Variants in PVT1 observed in about 807,000 individuals in gnomAD.
PVT1 encodes the protein CXCR4/PVT1 fusion.
chr8:128,088,189 C>T (rs993497102), intron 5 of PVT1, among the ~76,000 whole-genome samples: 2 of 152,172 alleles, frequency 1.3e-5, no homozygotes, highest in Admixed American at 6.5e-5. Context: ...TCACCCCATA[C>T]CTGGGCAGCC....
intron 3 of PVT1, among the ~76,000 whole-genome samples, chr8:127,911,580 A>G (rs934760872): frequency 6.6e-6 from 1 of 152,250 alleles, no homozygotes; most frequent in African/African-American, 2.4e-5. Flanking sequence ...CAGAAACTGT[A>G]TAAGCCTCTG....
intron 3 of PVT1, chr8:127,947,651 C>G: frequency 2.2e-6 from 1 of 453,160 alleles, no homozygotes; most frequent in South Asian, 1.6e-5. Flanking sequence ...GCTTTGACAC[C>G]TGGGGCAGGT....
chr8:127,898,967 C>A lies in PVT1; in HGVS notation n.782+7969C>A, dbSNP rs13260853. Among the ~76,000 whole-genome samples, 3 of 151,918 alleles carry A rather than the reference C, an allele frequency of 2.0e-5. No individual in the cohort carries two copies. The highest frequency in any genetic ancestry group is 4.4e-5 in the Non-Finnish European group (3 of 67,956). On this transcript the variant is annotated intron_variant and non_coding_transcript_variant, in intron 3 of 10. Coordinates refer to ENST00000651587, the Ensembl canonical transcript of PVT1. The surrounding 1 kb of genome is among the most constrained non-coding windows in gnomAD (Gnocchi z 4.4). Reference sequence around the variant, plus strand: ...CCCCGTTGACTTATCTGGCTCCAACCGAAGAACAGCTGTTGGTGGTCAGGT... The same window carrying A: ...CCCCGTTGACTTATCTGGCTCCAACAGAAGAACAGCTGTTGGTGGTCAGGT...
At chr8:127,952,532 A>G (rs1274027878) in intron 3 of PVT1, among the ~76,000 whole-genome samples, 3 of 152,200 alleles carry the variant, frequency 2.0e-5, no homozygotes, top group Non-Finnish European at 4.4e-5. Flanking sequence ...CTTCCTTTAC[A>G]TCTTGAAGAT....
intron 2 of PVT1, among the ~76,000 whole-genome samples, chr8:127,877,536 G>A (rs1349352677): frequency 6.6e-6 from 1 of 152,092 alleles, no homozygotes; most frequent in Non-Finnish European, 1.5e-5. Context: ...CAGAAAAGCA[G>A]CTCTGATCTC....
chr8:128,037,546 A>G (rs1813480185), intron 4 of PVT1, among the ~76,000 whole-genome samples: 1 of 152,208 alleles, frequency 6.6e-6, no homozygotes. Context: ...GCCTGTAAGT[A>G]CAGTCCATTT....
chr8:127,839,728 G>T (rs926632222), intron 2 of PVT1, among the ~76,000 whole-genome samples: 5 of 152,130 alleles, frequency 3.3e-5, no homozygotes, highest in African/African-American at 1.2e-4. Context: ...AGGAAGGGAG[G>T]TTTAAGGAAG....
In PVT1 at chr8:127,898,582, A is replaced by G. The variant is rs1236694562; in HGVS notation, n.782+7584A>G. On this transcript the variant is annotated intron_variant and non_coding_transcript_variant, in intron 3 of 10. Coordinates refer to ENST00000651587, the Ensembl canonical transcript of PVT1. This position sits in a 1 kb window ranked among gnomAD's most constrained non-coding sequence, Gnocchi z 4.4. ...GTCACCATAATTGATGGGCCACACT[A>G]GACTGGAGCCAACCATGGCCCATTG... Among the ~76,000 whole-genome samples the G allele has an allele frequency of 6.6e-6, 1 of 152,202 alleles. No individual in the cohort carries two copies. Among genetic ancestry groups the G allele is most frequent in the Non-Finnish European group, 1.5e-5 (1 of 68,026 alleles).
Position 127,949,379 on chromosome 8 carries a change from C to CTGTGTGTGTGTGTGTGTGTG in PVT1, n.783-39757_783-39738dup, listed in dbSNP as rs61425056. On this transcript the variant is annotated intron_variant and non_coding_transcript_variant, in intron 3 of 10. Transcript: ENST00000651587. Reference sequence around the variant, plus strand: ...GTTTGGAATGTTTGAACTCCAGGAGCTGTGTGTGTGTGTGTGTGTGTGTGT... The same window carrying CTGTGTGTGTGTGTGTGTGTG: ...GTTTGGAATGTTTGAACTCCAGGAGCTGTGTGTGTGTGTGTGTGTGTGTGTGTGTGTGTGTGTGTGTGTGT... Among the ~76,000 whole-genome samples the CTGTGTGTGTGTGTGTGTGTG allele has an allele frequency of 3.3e-3, 363 of 111,300 alleles. 6 individuals carry two copies. The highest frequency in any genetic ancestry group is 0.011 in the East Asian group (37 of 3,282). 73.0% of individuals were successfully genotyped at this position (111,300 alleles called of 152,430 possible). A position where few individuals can be genotyped will look rare whatever the true frequency, so the allele number is the denominator to read the frequency against.
At chr8:128,095,686 T>C (rs2130174668) in intron 5 of PVT1, among the ~76,000 whole-genome samples, 1 of 152,374 alleles carries the variant, frequency 6.6e-6, no homozygotes, top group Admixed American at 6.5e-5. Flanking sequence ...GTCTGGCTCT[T>C]TACAGCAAAA....
At chr8:128,072,359 C>G (rs940820447) in intron 5 of PVT1, among the ~76,000 whole-genome samples, 1 of 152,180 alleles carries the variant, frequency 6.6e-6, no homozygotes, top group Admixed American at 6.5e-5. Context: ...AAAGACACAG[C>G]GCTCAATTCC....
intron 4 of PVT1, among the ~76,000 whole-genome samples, chr8:128,055,746 G>T (rs2130112590): frequency 6.6e-6 from 1 of 152,334 alleles, no homozygotes; most frequent in East Asian, 1.9e-4. Context: ...GACTGGAGTG[G>T]CTGGTGGCAT....
chr8:128,063,229 C>G (rs1010273731), intron 4 of PVT1, among the ~76,000 whole-genome samples: 7 of 152,126 alleles, frequency 4.6e-5, no homozygotes, highest in Non-Finnish European at 8.8e-5. Flanking sequence ...AATACACACG[C>G]AGGCCAGGCA....
chr8:128,052,608 C>T (rs1288380938), intron 4 of PVT1, among the ~76,000 whole-genome samples: 1 of 152,128 alleles, frequency 6.6e-6, no homozygotes, highest in African/African-American at 2.4e-5. Context: ...TTACTCTTCT[C>T]TTCATAGTAT....
Position 127,865,598 on chromosome 8 carries a change from G to A in PVT1, n.373-24991G>A, listed in dbSNP as rs115113348. 3.0e-3 allele frequency among the ~76,000 whole-genome samples: 464 copies of A among 152,228 alleles called. 5 individuals carry two copies. Among genetic ancestry groups the A allele is most frequent in the African/African-American group, 0.011 (442 of 41,522 alleles). On this transcript the variant is annotated intron_variant and non_coding_transcript_variant, in intron 2 of 10. Coordinates refer to ENST00000651587, the Ensembl canonical transcript of PVT1. Reference sequence around the variant, plus strand: ...AGGAGCCATGAGACAAGGAATAACCGTCCCTAGAAGTTGGAAAAGGCAAGG... The same window carrying A: ...AGGAGCCATGAGACAAGGAATAACCATCCCTAGAAGTTGGAAAAGGCAAGG...
At chr8:127,897,887 GAAAGAAAGAAAGAAAA>G (rs1395175915) in intron 3 of PVT1, among the ~76,000 whole-genome samples, 1 of 113,002 alleles carries the variant, frequency 8.8e-6, no homozygotes, top group African/African-American at 3.4e-5. Flanking sequence ...AAGAAAGAAA[GAAAGAAAGAAAGAAAA>G]AAAGACAGAC....
intron 4 of PVT1, among the ~76,000 whole-genome samples, chr8:128,060,188 G>A (rs1334381772): frequency 2.0e-5 from 3 of 152,070 alleles, no homozygotes; most frequent in Non-Finnish European, 2.9e-5. Context: ...CCCAGGAGGC[G>A]GAGCTTGCAG....
At chr8:128,021,098 C>T (rs1463783268) in intron 4 of PVT1, among the ~76,000 whole-genome samples, 1 of 152,010 alleles carries the variant, frequency 6.6e-6, no homozygotes, top group Non-Finnish European at 1.5e-5. Flanking sequence ...CTCCCTCTGC[C>T]CAACCATCCT....
intron 2 of PVT1, among the ~76,000 whole-genome samples, chr8:127,871,000 G>T (rs528569768): frequency 2.6e-5 from 4 of 152,320 alleles, no homozygotes; most frequent in African/African-American, 7.2e-5. Context: ...ACTAGGGAGG[G>T]CAGGAAGTTC....
Sources: allele counts gnomAD v4.1 joint callset (sites outside exome capture counted in the v4.1 genomes callset), GRCh38; gene constraint gnomAD v4.1.1; non-coding constraint Gnocchi (gnomAD v3.1); transcripts MANE v1.5; gene names NCBI Gene and HGNC (gene_info 2026-07-23, HGNC 2026-07-21).